Variants in ZBTB43 observed in about 807,000 individuals in gnomAD.
ZBTB43 encodes zinc finger and BTB domain containing 43, also known as zinc finger and BTB domain-containing protein 43.
ZBTB43 carries 6 observed loss-of-function variants against 31.1 expected under a neutral mutation model. That is an observed-to-expected ratio of 0.19 (90% CI 0.11 to 0.38). ZBTB43 has a LOEUF of 0.38. ZBTB43 is among the 10% of genes least tolerant of loss of function. The pLI, the probability that ZBTB43 is intolerant of heterozygous loss-of-function variation, is 1.00. For synonymous variants in ZBTB43, 212 were observed against 221.7 expected (o/e 0.96, Z 0.39); for missense variants, 379 against 602.1 (o/e 0.63, Z 3.88).
chr9:126,827,251 G>T (rs1269907318), intron 2 of ZBTB43, among the ~76,000 whole-genome samples: 2 of 152,228 alleles, frequency 1.3e-5, no homozygotes, highest in African/African-American at 4.8e-5. Flanking sequence ...AGGTGTAGGT[G>T]TTTTAAATCT....
intron 2 of ZBTB43, among the ~76,000 whole-genome samples, chr9:126,820,892 A>C (rs1369288502): frequency 6.7e-6 from 1 of 149,314 alleles, no homozygotes; most frequent in Admixed American, 6.8e-5. Context: ...CACGTGAGCC[A>C]GAGAGTCGAG....
At chr9:126,827,782 C>T (rs948494601) in intron 2 of ZBTB43, among the ~76,000 whole-genome samples, 2 of 151,970 alleles carry the variant, frequency 1.3e-5, no homozygotes, top group Non-Finnish European at 2.9e-5. Flanking sequence ...CTGAGGCGGG[C>T]GGATCACCTG....
rs1564206225 is a variant in ZBTB43, at chr9:126,828,647, TAA to T, written c.-23-3839_-23-3838del. On this transcript the variant is annotated intron_variant, in intron 2 of 2. Transcript: ENST00000373464. ...CATCTCTAAATAATAATAATAATAA[TAA>T]TAATAATTATTATTATTATTATTAT... Among the ~76,000 whole-genome samples the T allele has an allele frequency of 1.8e-3, 253 of 142,268 alleles. 4 individuals are homozygous for T. The highest frequency in any genetic ancestry group is 7.2e-3 in the Middle Eastern group (2 of 276). 93.3% of individuals were successfully genotyped at this position (142,268 alleles called of 152,430 possible).
chr9:126,831,319 A>G (rs1243859525), intron 2 of ZBTB43: 1 of 152,128 alleles, frequency 6.6e-6, no homozygotes, highest in Non-Finnish European at 1.5e-5. Flanking sequence ...CCTGTCAAAT[A>G]TCAGTTAAAT....
chr9:126,806,741 T>A (rs940383733), intron 1 of ZBTB43, among the ~76,000 whole-genome samples: 4 of 152,240 alleles, frequency 2.6e-5, no homozygotes, highest in Admixed American at 2.6e-4. Context: ...TCTGTAGTTG[T>A]TAGGAACACA....
At position 126,834,056 on chromosome 9, in the gene ZBTB43, T is replaced by A; in HGVS notation, c.*143T>A. The stretch of plus-strand genomic sequence containing the variant: ...GAAGATATTTCTGAAAGACCAGCTC[T>A]AAGTAGGCCAATTAAAAAAATCTAA... On this transcript the variant is annotated 3_prime_UTR_variant, in exon 3 of 3. Transcript: ENST00000373464. 1.1e-6 allele frequency: 1 copy of A among 939,342 alleles called. No individual in the cohort carries two copies. The highest frequency in any genetic ancestry group is 1.5e-6 in the Non-Finnish European group (1 of 662,180). 58.2% of individuals were successfully genotyped at this position (939,342 alleles called of 1,614,324 possible).
intron 2 of ZBTB43, among the ~76,000 whole-genome samples, chr9:126,827,657 C>G (rs564820018): frequency 6.6e-6 from 1 of 152,316 alleles, no homozygotes; most frequent in South Asian, 2.1e-4. Flanking sequence ...TCCATAACCT[C>G]CCTTGTGGCA....
intron 2 of ZBTB43, among the ~76,000 whole-genome samples, chr9:126,812,666 ATGT>A (rs1163846706): frequency 1.3e-5 from 2 of 152,218 alleles, no homozygotes; most frequent in Non-Finnish European, 1.5e-5. Flanking sequence ...ATTACTAATG[ATGT>A]TGAGTGGTTT....
chr9:126,822,405 G>A (rs2032533063), intron 2 of ZBTB43, among the ~76,000 whole-genome samples: 1 of 152,156 alleles, frequency 6.6e-6, no homozygotes, highest in Non-Finnish European at 1.5e-5. Flanking sequence ...AATCTTTTGT[G>A]AAAGAATCAA....
intron 2 of ZBTB43, 27 bp from the exon 3 acceptor site, chr9:126,832,460 T>C: frequency 6.5e-7 from 1 of 1,547,712 alleles, no homozygotes; most frequent in Non-Finnish European, 8.7e-7. Flanking sequence ...GGGCTGGAAT[T>C]TGTACTAATT....
At chr9:126,806,515 A>T (rs2032130407) in intron 1 of ZBTB43, among the ~76,000 whole-genome samples, 1 of 152,166 alleles carries the variant, frequency 6.6e-6, no homozygotes, top group South Asian at 2.1e-4. Context: ...TACAGAACAG[A>T]GTTTTGGGGG....
rs149938715 is a variant in ZBTB43 at position 126,833,725 on chromosome 9, G to A, written c.1216G>A (p.Gly406Ser). 22 of 1,609,570 alleles carry A rather than the reference G, an allele frequency of 1.4e-5. No homozygotes were observed. The highest frequency in any genetic ancestry group is 6.7e-5 in the East Asian group (3 of 44,726). ...TCGGCCTTACGGCTGTGGGGTCTGC[G>A]GTAAGAAATTCAAAATGAAGCACCA... The part of the protein sequence containing the change: ...GLRPYGCGVC[G>S]KKFKMKHHLV... The change falls in exon 3 of 3, where the codon GGT becomes AGT. Residue 406 changes from glycine (G) to serine (S), a missense_variant. By Grantham distance (56) the Gly-to-Ser change is moderately conservative. Transcript: ENST00000373464. The surrounding 1 kb of genome is among the most constrained non-coding windows in gnomAD (Gnocchi z 7.9).
At chr9:126,826,037 A>G (rs1318674065) in intron 2 of ZBTB43, among the ~76,000 whole-genome samples, 20 of 101,142 alleles carry the variant, frequency 2.0e-4, no homozygotes, top group South Asian at 3.3e-4. Context: ...TTTTGAGATG[A>G]AGTTTCGCTC....
intron 2 of ZBTB43, among the ~76,000 whole-genome samples, chr9:126,829,138 G>C (rs1186872315): frequency 6.6e-6 from 1 of 152,132 alleles, no homozygotes; most frequent in Non-Finnish European, 1.5e-5. Flanking sequence ...AAGTAGTTTG[G>C]TAATATGTAT....
intron 2 of ZBTB43, among the ~76,000 whole-genome samples, chr9:126,817,600 C>G (rs974281182): frequency 1.3e-5 from 2 of 151,368 alleles, no homozygotes; most frequent in Non-Finnish European, 1.5e-5. Context: ...CTCAGCCTCC[C>G]GAGCAGCTGG....
Position 126,833,986 on chromosome 9 carries a change from G to T in ZBTB43, c.*73G>T. 1 of 1,406,266 alleles carries T rather than the reference G, an allele frequency of 7.1e-7. No homozygotes were observed. Among genetic ancestry groups the T allele is most frequent in the Non-Finnish European group, 9.6e-7 (1 of 1,044,688 alleles). The allele number at this position is 1,406,266 out of a possible 1,614,324, so 87.1% of individuals were successfully genotyped here. A position where few individuals can be genotyped will look rare whatever the true frequency, so the allele number is the denominator to read the frequency against. On this transcript the variant is annotated 3_prime_UTR_variant, in exon 3 of 3. Coordinates refer to ENST00000373464, the MANE Select transcript of ZBTB43 (RefSeq NM_014007.4). The surrounding 1 kb of genome is among the most constrained non-coding windows in gnomAD (Gnocchi z 7.9). ...AATTAATGCAAATCTGGGCACAGAT[G>T]ATGCGTGCTACTTGCTATTATGAGA...
intron 2 of ZBTB43, among the ~76,000 whole-genome samples, chr9:126,827,217 C>G (rs2032660893): frequency 6.6e-6 from 1 of 152,184 alleles, no homozygotes; most frequent in African/African-American, 2.4e-5. Context: ...ATGTCTGGAT[C>G]TGTGTGTGTG....
At chr9:126,806,432 A>G (rs1164121954) in intron 1 of ZBTB43, among the ~76,000 whole-genome samples, 1 of 152,234 alleles carries the variant, frequency 6.6e-6, no homozygotes, top group Non-Finnish European at 1.5e-5. Context: ...TGAAGTACCT[A>G]GAATAAACCA....
intron 2 of ZBTB43, among the ~76,000 whole-genome samples, chr9:126,816,929 A>G (rs1354982266): frequency 6.6e-6 from 1 of 151,970 alleles, no homozygotes; most frequent in South Asian, 2.1e-4. Context: ...TTGGTATCCT[A>G]ATACCACCCA....
Sources: gnomAD v4.1 joint callset for allele counts (sites outside exome capture counted in the v4.1 genomes callset) on GRCh38, gnomAD v4.1.1 for gene constraint, Gnocchi (gnomAD v3.1) non-coding constraint, MANE v1.5 for transcripts, NCBI Gene and HGNC (gene_info 2026-07-23, HGNC 2026-07-21) for gene names.